SPAG16: variants seen among roughly 807,000 people sequenced by gnomAD.
SPAG16 encodes sperm-associated antigen 16 protein.
Under a neutral mutation model 80.4 loss-of-function variants are expected in SPAG16, and 86 were observed. The ratio of observed to expected loss-of-function variants is 1.07; its 90% confidence interval spans 0.90 to 1.28. The LOEUF (loss-of-function observed/expected upper bound fraction) is 1.28. Among genes scored for constraint, SPAG16 ranks in the 50% most tolerant of loss-of-function variants. The pLI is 0.00. For synonymous variants in SPAG16, 294 were observed against 265.9 expected, an observed-to-expected ratio of 1.11 and a Z score of -1.03; for missense variants, 870 against 765.3, an observed-to-expected ratio of 1.14 and a Z score of -1.61.
At chr2:213,368,670 C>A (rs2066460799) in intron 8 of SPAG16, among the ~76,000 whole-genome samples, 1 of 152,170 alleles carries the variant, frequency 6.6e-6, no homozygotes, top group African/African-American at 2.4e-5. Flanking sequence ...AAAACCCCAT[C>A]ATCTCAGCCC....
At chr2:214,317,391 G>A (rs1165149826) in intron 15 of SPAG16, among the ~76,000 whole-genome samples, 1 of 152,192 alleles carries the variant, frequency 6.6e-6, no homozygotes. Context: ...TATCAAAGAT[G>A]TGAACTGAAA....
chr2:213,286,962 C>G (rs1200898605), intron 1 of SPAG16, among the ~76,000 whole-genome samples: 1 of 152,210 alleles, frequency 6.6e-6, no homozygotes. Context: ...AGAGTTCTTA[C>G]CCTGCAACAC....
At chr2:213,621,957 T>C (rs947904674) in intron 10 of SPAG16, among the ~76,000 whole-genome samples, 4 of 152,170 alleles carry the variant, frequency 2.6e-5, no homozygotes, top group Non-Finnish European at 5.9e-5. Flanking sequence ...CAATAAGTCT[T>C]AGAACCATTG....
intron 10 of SPAG16, among the ~76,000 whole-genome samples, chr2:213,660,966 GC>G (rs2125182126): frequency 6.6e-6 from 1 of 152,156 alleles, no homozygotes; most frequent in Admixed American, 6.5e-5. Context: ...ACTAGCATCG[GC>G]CCCCTGGTCC....
intron 10 of SPAG16, among the ~76,000 whole-genome samples, chr2:213,776,097 T>G (rs1399321175): frequency 6.6e-6 from 1 of 152,178 alleles, no homozygotes; most frequent in East Asian, 1.9e-4. Context: ...CTTCCCAACA[T>G]CCCAAAATAT....
intron 9 of SPAG16, among the ~76,000 whole-genome samples, chr2:213,453,261 A>G (rs1032668818): frequency 3.3e-5 from 5 of 152,144 alleles, no homozygotes; most frequent in African/African-American, 1.2e-4. Flanking sequence ...TTTTTTCTCT[A>G]ACCTCTCATA....
intron 13 of SPAG16, among the ~76,000 whole-genome samples, chr2:214,058,017 G>T (rs944787143): frequency 2.0e-5 from 3 of 151,934 alleles, no homozygotes. Context: ...TGTTGTGGCT[G>T]GTTTGATCTT....
At chr2:213,776,828 C>G (rs1419704212) in intron 10 of SPAG16, among the ~76,000 whole-genome samples, 2 of 48,678 alleles carry the variant, frequency 4.1e-5, no homozygotes, top group African/African-American at 6.9e-5. Context: ...TCTATGCCAC[C>G]CCCCCCCCAC....
At position 214,013,960 on chromosome 2, in the gene SPAG16, C is replaced by A. The variant is rs540563749; in HGVS notation, c.1410C>A (p.Cys470Ter). ...ATTTCTCTCTTTATAGTGAAAGATG[C>A]AGATGTACTTTGTATGGACATACAG... is the stretch of plus-strand genomic sequence containing the variant. The part of the protein sequence containing the change: ...SKIWDVNSER[C>*]RCTLYGHTDS... Residue 470 changes from cysteine to a stop codon, truncating the protein, a stop_gained, in exon 13 of 16, where the codon TGC becomes TGA. Coordinates refer to ENST00000331683, the MANE Select transcript of SPAG16 (RefSeq NM_024532.5). LOFTEE classifies it high-confidence loss of function. 6.4e-5 allele frequency: 103 copies of A among 1,612,942 alleles called. 2 individuals are homozygous for A. The South Asian group carries it at 9.1e-4, about 14-fold the overall frequency.
intron 10 of SPAG16, among the ~76,000 whole-genome samples, chr2:213,629,977 AACTAG>A (rs2062086916): frequency 6.6e-6 from 1 of 152,160 alleles, no homozygotes; most frequent in African/African-American, 2.4e-5. Context: ...TAGGCGTGTT[AACTAG>A]TCTGTCACTA....
At chr2:214,091,426 G>A (rs931031344) in intron 13 of SPAG16, among the ~76,000 whole-genome samples, 1 of 152,064 alleles carries the variant, frequency 6.6e-6, no homozygotes, top group African/African-American at 2.4e-5. Context: ...AGATGATTTG[G>A]CACCAGAGTC....
chr2:214,341,081 C>CA (rs1226612883), intron 15 of SPAG16, among the ~76,000 whole-genome samples: 3 of 152,174 alleles, frequency 2.0e-5, no homozygotes, highest in Admixed American at 6.5e-5. Context: ...TGGTGTCCCC[C>CA]AAAAAATTTT....
chr2:213,888,262 A>G (rs926784593), intron 11 of SPAG16, among the ~76,000 whole-genome samples: 27 of 151,866 alleles, frequency 1.8e-4, no homozygotes, highest in African/African-American at 5.8e-4. Context: ...TTTTCTGACA[A>G]AGCTCCTGTT....
intron 10 of SPAG16, among the ~76,000 whole-genome samples, chr2:213,492,354 T>C (rs1201652258): frequency 1.3e-5 from 2 of 151,940 alleles, no homozygotes; most frequent in Non-Finnish European, 2.9e-5. Context: ...ATTGAGACCA[T>C]CCTGGCTAAC....
intron 12 of SPAG16, among the ~76,000 whole-genome samples, chr2:214,003,806 T>C (rs892939701): frequency 1.3e-5 from 2 of 152,206 alleles, no homozygotes; most frequent in Non-Finnish European, 2.9e-5. Context: ...ATCACTTGTG[T>C]GTGAACAAAG....
At chr2:213,300,698 G>A (rs953511428) in intron 3 of SPAG16, among the ~76,000 whole-genome samples, 6 of 152,066 alleles carry the variant, frequency 3.9e-5, no homozygotes, top group Non-Finnish European at 8.8e-5. Flanking sequence ...TATGTTATCT[G>A]TGTAGAAGTT....
At chr2:214,295,410 T>G (rs1162310246) in intron 15 of SPAG16, among the ~76,000 whole-genome samples, 2 of 152,200 alleles carry the variant, frequency 1.3e-5, no homozygotes, top group Non-Finnish European at 2.9e-5. Flanking sequence ...TTTTTAATCT[T>G]ACTCACAATA....
At chr2:213,399,364 T>C (rs1451972430) in intron 9 of SPAG16, among the ~76,000 whole-genome samples, 1 of 152,086 alleles carries the variant, frequency 6.6e-6, no homozygotes, top group East Asian at 1.9e-4. Context: ...ATTGGTAATT[T>C]TATCATGTTT....
chr2:214,095,643 T>G (rs769934580), intron 13 of SPAG16, among the ~76,000 whole-genome samples: 1 of 152,110 alleles, frequency 6.6e-6, no homozygotes, highest in Non-Finnish European at 1.5e-5. Flanking sequence ...TAAAAATTCA[T>G]GTATTATAGA....
Sources: gnomAD v4.1 joint callset for allele counts (sites outside exome capture counted in the v4.1 genomes callset) on GRCh38, gnomAD v4.1.1 for gene constraint, MANE v1.5 for transcripts, NCBI Gene and HGNC (gene_info 2026-07-23, HGNC 2026-07-21) for gene names.